The following ZNF547 variants were observed in gnomAD, a reference collection of about 807,000 sequenced individuals.
The protein encoded by ZNF547 is zinc finger protein 547.
Under a neutral mutation model 7.7 loss-of-function variants are expected in ZNF547, and 4 were observed. The observed-to-expected ratio is 0.52, with a 90% CI of 0.26 to 1.20. The LOEUF is 1.20. ZNF547 is among the 50% of genes most tolerant of loss of function. The pLI is 0.14. For synonymous variants in ZNF547, 166 were observed against 166.2 expected (o/e 1.00, Z 0.01); for missense variants, 449 against 485.8 (o/e 0.92, Z 0.71).
Position 57,377,799 on chromosome 19 carries a change from AAGTT to A in ZNF547, c.824_827del (p.Lys275ThrfsTer60), listed in dbSNP as rs1284401296. The A allele has an allele frequency of 6.2e-7, 1 of 1,614,184 alleles. No individual in the cohort carries two copies. The highest frequency in any genetic ancestry group is 1.7e-5 in the Admixed American group (1 of 60,018). On this transcript the variant is annotated frameshift_variant, in exon 4 of 4. Coordinates refer to ENST00000282282, the MANE Select transcript of ZNF547 (RefSeq NM_173631.4). LOFTEE classifies it low-confidence loss of function (END_TRUNC). ...GCCTTATGGTTGCAGTGAATGTGGG[AAGTT>A]CTTTAAGTGCAACTCAAACCTCTTT...
chr19:57,370,053 C>T (rs2088495532), intron 2 of ZNF547, among the ~76,000 whole-genome samples: 3 of 151,794 alleles, frequency 2.0e-5, no homozygotes, highest in Non-Finnish European at 4.4e-5. Flanking sequence ...CCACTACGCC[C>T]AGCTAATTTT....
intron 2 of ZNF547, 41 bp downstream of exon 2, chr19:57,368,620 CAT>C (rs759610508): frequency 1.9e-6 from 3 of 1,607,826 alleles, no homozygotes; most frequent in Non-Finnish European, 2.6e-6. Flanking sequence ...CCAGTTATCT[CAT>C]AGATGGTTTT....
intron 1 of ZNF547, among the ~76,000 whole-genome samples, chr19:57,365,883 ATGGAGTCTGGCTCCTGTTGTGCAGGGGC>A (rs1430898536): frequency 1.4e-5 from 2 of 145,844 alleles, no homozygotes; most frequent in East Asian, 4.0e-4. Flanking sequence ...TTCTTTTGAG[ATGGAGTCTGGCTCCTGTTGTGCAGGGGC>A]TGGAGTGCAG....
chr19:57,371,546 A>C, intron 2 of ZNF547: 1 of 542,132 alleles, frequency 1.8e-6, no homozygotes, highest in Middle Eastern at 5.1e-4. Context: ...CTAGTTGTGC[A>C]GTACCTGTCC....
chr19:57,372,566 A>T (rs1372602756), intron 3 of ZNF547, among the ~76,000 whole-genome samples: 1 of 152,186 alleles, frequency 6.6e-6, no homozygotes, highest in Non-Finnish European at 1.5e-5. Flanking sequence ...AAAAGGTGTA[A>T]TATCACAGCT....
In ZNF547 at chr19:57,378,823, C is replaced by G. The variant is rs1485605936; in HGVS notation, c.*638C>G. On this transcript the variant is annotated 3_prime_UTR_variant, in exon 4 of 4. Coordinates refer to ENST00000282282, the MANE Select transcript of ZNF547 (RefSeq NM_173631.4). ...ACTCTTTATCTTGTAAAATGAAACTCTATAACCACCATTAAAAAAACAACT... is the reference window on the plus strand; with the variant it reads ...ACTCTTTATCTTGTAAAATGAAACTGTATAACCACCATTAAAAAAACAACT... 2.5e-6 allele frequency: 1 copy of G among 404,642 alleles called. No homozygotes were observed. The highest frequency in any genetic ancestry group is 3.5e-5 in the Admixed American group (1 of 28,596). The allele number at this position is 404,642 out of a possible 1,614,324, so 25.1% of individuals were successfully genotyped here. A position where few individuals can be genotyped will look rare whatever the true frequency, so the allele number is the denominator to read the frequency against.
chr19:57,372,563 GTA>G (rs2088513113), intron 3 of ZNF547, among the ~76,000 whole-genome samples: 1 of 152,212 alleles, frequency 6.6e-6, no homozygotes, highest in South Asian at 2.1e-4. Context: ...GGGAAAAGGT[GTA>G]ATATCACAGC....
chr19:57,376,873 C>T (rs2123023109), intron 3 of ZNF547, among the ~76,000 whole-genome samples: 1 of 152,288 alleles, frequency 6.6e-6, no homozygotes, highest in East Asian at 1.9e-4. Flanking sequence ...GCTTTTGTTA[C>T]ATTCCAGCCT....
chr19:57,364,155 T>C (rs749344990), intron 1 of ZNF547: 1 of 153,062 alleles, frequency 6.5e-6, no homozygotes, highest in Non-Finnish European at 1.4e-5. Context: ...AGAGGGACAA[T>C]GTGATGGGAT....
At chr19:57,368,512 GC>G in intron 1 of ZNF547, 31 bp from the exon 2 acceptor site, 3 of 1,611,796 alleles carry the variant, frequency 1.9e-6, no homozygotes, top group Middle Eastern at 1.7e-4. Flanking sequence ...TCCCATCGTT[GC>G]CCATTTCTCA....
rs12052109 is a variant in ZNF547 at position 57,365,978 on chromosome 19, C to T, written c.-13+2275C>T. 3.8e-3 allele frequency among the ~76,000 whole-genome samples: 578 copies of T among 150,560 alleles called. 28 individuals are homozygous for T. The East Asian group carries it at 0.079, about 21-fold the overall frequency. ...CTCCCGGGTTCAAGCAATTCTCCTT[C>T]TTCAGCCTCCCAAGTAGCTAGGATT... On this transcript the variant is annotated intron_variant, in intron 1 of 3. Transcript: ENST00000282282.
chr19:57,377,998 AAC>A lies in ZNF547; in HGVS notation c.1025_1026del (p.His342ProfsTer11), dbSNP rs1478742413. On this transcript the variant is annotated frameshift_variant, in exon 4 of 4. Coordinates refer to ENST00000282282, the MANE Select transcript of ZNF547 (RefSeq NM_173631.4). LOFTEE classifies it low-confidence loss of function (END_TRUNC). ...TTCAGCTTGAAATCCGTCCTCATTC[AAC>A]ACCAAAGAGTTCACACTGGAGAACG... is the stretch of plus-strand genomic sequence containing the variant. 2.5e-6 allele frequency: 4 copies of A among 1,613,992 alleles called. No homozygotes were observed. Among genetic ancestry groups the A allele is most frequent in the Non-Finnish European group, 3.4e-6 (4 of 1,179,940 alleles).
At chr19:57,371,938 G>C (rs575667687) in intron 3 of ZNF547, 30 bp downstream of exon 3, 2 of 1,554,142 alleles carry the variant, frequency 1.3e-6, no homozygotes, top group East Asian at 2.3e-5. Context: ...CCAGTGTCCT[G>C]GGTTGGGCTG....
Position 57,378,139 on chromosome 19 carries a change from G to T in ZNF547, c.1163G>T (p.Arg388Met). Residue 388 changes from arginine (R) to methionine (M), a missense_variant, in exon 4 of 4, where the codon AGG becomes ATG. By Grantham distance (91) the Arg-to-Met change is moderately conservative. Coordinates refer to ENST00000282282, the MANE Select transcript of ZNF547 (RefSeq NM_173631.4). ...TGCAGTGAATGTGGGAAATTCTTTAGGTATAACTCTACACTTCTCAGACAT... is the reference window on the plus strand; with the variant it reads ...TGCAGTGAATGTGGGAAATTCTTTATGTATAACTCTACACTTCTCAGACAT... ...KQCSECGKFF[R>M]YNSTLLRHQK... 2.5e-6 allele frequency: 4 copies of T among 1,613,106 alleles called. No individual in the cohort carries two copies. Among genetic ancestry groups the T allele is most frequent in the Non-Finnish European group, 3.4e-6 (4 of 1,179,146 alleles).
rs1333665390 is a variant in ZNF547 at position 57,378,236 on chromosome 19, T to C, written c.*51T>C. On this transcript the variant is annotated 3_prime_UTR_variant, in exon 4 of 4. Coordinates refer to ENST00000282282, the MANE Select transcript of ZNF547 (RefSeq NM_173631.4). Reference sequence around the variant, plus strand: ...GGAAAGCCTTCAGTCACCAACATATTGTGGCTGGACAGCAGGCAGTACACA... The same window carrying C: ...GGAAAGCCTTCAGTCACCAACATATCGTGGCTGGACAGCAGGCAGTACACA... 1.3e-6 allele frequency: 2 copies of C among 1,523,306 alleles called. No individual in the cohort carries two copies. Among genetic ancestry groups the C allele is most frequent in the Admixed American group, 1.8e-5 (1 of 56,498 alleles). The allele number at this position is 1,523,306 out of a possible 1,614,324, so 94.4% of individuals were successfully genotyped here.
At chr19:57,367,259 C>G (rs757420070) in intron 1 of ZNF547, among the ~76,000 whole-genome samples, 22 of 152,052 alleles carry the variant, frequency 1.4e-4, no homozygotes, top group Non-Finnish European at 2.8e-4. Context: ...TAGTAAATGT[C>G]CATTGAAAAG....
rs61547238 is a variant in ZNF547 at position 57,369,899 on chromosome 19, C to CTTTTTTTTTTTTTTT, written c.24+1330_24+1344dup. Among the ~76,000 whole-genome samples, 242 of 51,672 alleles carry CTTTTTTTTTTTTTTT rather than the reference C, an allele frequency of 4.7e-3. 92 individuals carry two copies. Among genetic ancestry groups the CTTTTTTTTTTTTTTT allele is most frequent in the South Asian group, 7.2e-3 (8 of 1,116 alleles). 33.9% of individuals were successfully genotyped at this position (51,672 alleles called of 152,430 possible). On this transcript the variant is annotated intron_variant, in intron 2 of 3. Coordinates refer to ENST00000282282, the MANE Select transcript of ZNF547 (RefSeq NM_173631.4). The stretch of plus-strand genomic sequence containing the variant: ...AAAGAAGTTTAATTGACTCACAGTT[C>CTTTTTTTTTTTTTTT]TTTTTTTTTTTTTTTTTTTTTTTTG...
rs1274347984 is a variant in ZNF547, at chr19:57,377,739, C to T, written c.763C>T (p.Leu255Phe). ...GAAATTGTTTATGTGGAGTTCCACACTCATTACACATCAGAGGGTTCACAC... is the reference window on the plus strand; with the variant it reads ...GAAATTGTTTATGTGGAGTTCCACATTCATTACACATCAGAGGGTTCACAC... ...CGKLFMWSST[L>F]ITHQRVHTGK... The change falls in exon 4 of 4, where the codon CTC (leucine) becomes TTC (phenylalanine). Residue 255 changes from leucine (L) to phenylalanine (F), a missense_variant. Coordinates refer to ENST00000282282, the MANE Select transcript of ZNF547 (RefSeq NM_173631.4). The T allele has an allele frequency of 1.9e-6, 3 of 1,614,062 alleles. No individual in the cohort carries two copies. The highest frequency in any genetic ancestry group is 1.7e-6 in the Non-Finnish European group (2 of 1,180,044).
At chr19:57,364,600 G>A in intron 1 of ZNF547, 1 of 580,282 alleles carries the variant, frequency 1.7e-6, no homozygotes, top group Non-Finnish European at 3.1e-6. Flanking sequence ...AATTAGCCGG[G>A]GGTGGTGACG....
Sources: gnomAD v4.1 joint callset for allele counts (sites outside exome capture counted in the v4.1 genomes callset) on GRCh38, gnomAD v4.1.1 for gene constraint, MANE v1.5 for transcripts, NCBI Gene and HGNC (gene_info 2026-07-23, HGNC 2026-07-21) for gene names.